Variants in ARID1B observed in about 807,000 individuals in gnomAD.
ARID1B encodes the protein AT-rich interactive domain-containing protein 1B.
ARID1B carries 30 observed loss-of-function variants against 212.3 expected under a neutral mutation model. The observed-to-expected ratio is 0.14, with a 90% CI of 0.11 to 0.19. The LOEUF (loss-of-function observed/expected upper bound fraction) is 0.19, where lower values mean the gene tolerates loss of function less well. Ranked by LOEUF, ARID1B falls within the 10% of genes least tolerant of loss-of-function variation. The probability of loss-of-function intolerance (pLI) is 1.00; values close to 1 mark genes in which losing one functional copy is unlikely to be tolerated. For missense variants in ARID1B, 2,891 were observed against 3,204.0 expected, an observed-to-expected ratio of 0.90 and a Z score of 2.36; for synonymous variants, 1,402 against 1,301.7, an observed-to-expected ratio of 1.08 and a Z score of -1.66.
chr6:156,858,768 CAAAACA>C (rs1392101948), intron 2 of ARID1B, among the ~76,000 whole-genome samples: 3 of 151,834 alleles, frequency 2.0e-5, no homozygotes, highest in Admixed American at 1.3e-4. Context: ...GACTCTGTCT[CAAAACA>C]AAAACAAAAA....
chr6:156,902,735 C>CA (rs869259426), intron 3 of ARID1B, among the ~76,000 whole-genome samples: 2,622 of 61,448 alleles, frequency 0.043, 346 homozygotes, highest in East Asian at 0.071. Flanking sequence ...GACTCTGTCT[C>CA]AAAAAAAAAA....
chr6:156,881,988 A>G (rs1356177816), intron 2 of ARID1B, among the ~76,000 whole-genome samples: 2 of 152,220 alleles, frequency 1.3e-5, no homozygotes, highest in Non-Finnish European at 2.9e-5. Context: ...TTTATTTCAG[A>G]GTCAAGCAAT....
At chr6:157,186,425 C>T in intron 13 of ARID1B, 1 of 471,066 alleles carries the variant, frequency 2.1e-6, no homozygotes, top group South Asian at 1.5e-5. Context: ...CTCGTCCAGC[C>T]CCGAGAGCGC....
At chr6:157,149,073 T>C in intron 8 of ARID1B, 122 bp downstream of exon 8, 1 of 1,030,694 alleles carries the variant, frequency 9.7e-7, no homozygotes, top group Admixed American at 2.6e-5. Flanking sequence ...TCACTGTGCT[T>C]GGCCGTTCTT....
At chr6:157,154,157 A>G (rs1583414954) in intron 8 of ARID1B, among the ~76,000 whole-genome samples, 1 of 152,322 alleles carries the variant, frequency 6.6e-6, no homozygotes, top group South Asian at 2.1e-4. Context: ...TTTCTTGGAA[A>G]TGAGCTCTAG....
intron 3 of ARID1B, among the ~76,000 whole-genome samples, chr6:156,929,581 A>G (rs1184479292): frequency 6.6e-6 from 1 of 152,266 alleles, no homozygotes; most frequent in Non-Finnish European, 1.5e-5. Flanking sequence ...TCAAATCGTC[A>G]TTCATTCCCT....
At chr6:156,905,250 G>GCGCGCACACACACACACACACACA (rs1554265935) in intron 3 of ARID1B, among the ~76,000 whole-genome samples, 4 of 143,838 alleles carry the variant, frequency 2.8e-5, no homozygotes, top group African/African-American at 7.8e-5. Flanking sequence ...ACATATGCAC[G>GCGCGCACACACACACACACACACA]CACACACACA....
intron 12 of ARID1B, among the ~76,000 whole-genome samples, chr6:157,182,718 C>T (rs1313208642): frequency 6.6e-6 from 1 of 152,148 alleles, no homozygotes; most frequent in African/African-American, 2.4e-5. Flanking sequence ...TTGCCCATGA[C>T]GCTGCATAAC....
chr6:157,082,521 G>A (rs1271777265), intron 4 of ARID1B, among the ~76,000 whole-genome samples: 2 of 151,998 alleles, frequency 1.3e-5, no homozygotes, highest in African/African-American at 2.4e-5. Flanking sequence ...TCTAACAATC[G>A]GATTGAATTT....
chr6:156,965,069 G>C (rs1479664071), intron 4 of ARID1B, among the ~76,000 whole-genome samples: 1 of 152,214 alleles, frequency 6.6e-6, no homozygotes, highest in Admixed American at 6.5e-5. Context: ...AGCTACATAA[G>C]TATTCTCTTC....
intron 5 of ARID1B, among the ~76,000 whole-genome samples, chr6:157,108,652 G>T (rs1040714661): frequency 2.6e-5 from 4 of 152,156 alleles, no homozygotes; most frequent in Admixed American, 6.5e-5. Flanking sequence ...TCGGTGACCA[G>T]TATTTACCCT....
intron 4 of ARID1B, among the ~76,000 whole-genome samples, chr6:157,062,069 GATA>G (rs1783374769): frequency 6.6e-6 from 1 of 152,190 alleles, no homozygotes; most frequent in African/African-American, 2.4e-5. Context: ...ACTTTTTGGA[GATA>G]ATAAAATGTT....
intron 4 of ARID1B, among the ~76,000 whole-genome samples, chr6:157,043,151 C>T (rs1316369193): frequency 2.0e-5 from 3 of 152,168 alleles, no homozygotes; most frequent in Admixed American, 1.3e-4. Flanking sequence ...ATAACATCAG[C>T]GTTCAAACTG....
chr6:157,057,259 G>T (rs2128395427), intron 4 of ARID1B, among the ~76,000 whole-genome samples: 1 of 152,066 alleles, frequency 6.6e-6, no homozygotes, highest in South Asian at 2.1e-4. Flanking sequence ...GCCTCCCAAA[G>T]TGTTGGGATT....
At chr6:157,104,967 A>G (rs1361209115) in intron 5 of ARID1B, among the ~76,000 whole-genome samples, 2 of 152,246 alleles carry the variant, frequency 1.3e-5, no homozygotes, top group Non-Finnish European at 2.9e-5. Context: ...AAAACATGGT[A>G]TAAAAATACT....
chr6:156,897,614 T>C (rs2128204880), intron 2 of ARID1B, among the ~76,000 whole-genome samples: 1 of 151,050 alleles, frequency 6.6e-6, no homozygotes, highest in Non-Finnish European at 1.5e-5. Flanking sequence ...TGTTCTGATC[T>C]GAGGCATTTT....
At chr6:156,866,484 C>T (rs1785702682) in intron 2 of ARID1B, among the ~76,000 whole-genome samples, 2 of 152,110 alleles carry the variant, frequency 1.3e-5, no homozygotes, top group Non-Finnish European at 2.9e-5. Flanking sequence ...TTCTAGCTTC[C>T]AAAATTTTTG....
intron 2 of ARID1B, among the ~76,000 whole-genome samples, chr6:156,836,332 G>A (rs181591708): frequency 1.1e-4 from 16 of 152,244 alleles, no homozygotes; most frequent in African/African-American, 2.4e-4. Flanking sequence ...CTAATCTCCC[G>A]TGACTGCCCT....
intron 4 of ARID1B, among the ~76,000 whole-genome samples, chr6:156,989,073 G>A (rs938440006): frequency 6.6e-6 from 1 of 152,174 alleles, no homozygotes; most frequent in African/African-American, 2.4e-5. Flanking sequence ...ACAACACAGA[G>A]AGCTGAGAGT....
Sources: allele counts gnomAD v4.1 joint callset (sites outside exome capture counted in the v4.1 genomes callset), GRCh38; gene constraint gnomAD v4.1.1; transcripts MANE v1.5; gene names NCBI Gene and HGNC (gene_info 2026-07-23, HGNC 2026-07-21).